PIK3CD: variants seen among roughly 807,000 people sequenced by gnomAD.
PIK3CD encodes the protein phosphatidylinositol-4,5-bisphosphate 3-kinase catalytic subunit delta.
Under a neutral mutation model 122.9 loss-of-function variants are expected in PIK3CD, and 20 were observed. The ratio of observed to expected loss-of-function variants is 0.16; its 90% CI spans 0.11 to 0.24. PIK3CD has a LOEUF of 0.24. Ranked by LOEUF, PIK3CD falls within the 10% of genes least tolerant of loss-of-function variation. The pLI, the probability that PIK3CD is intolerant of heterozygous loss-of-function variation, is 1.00. For missense variants in PIK3CD, 787 were observed against 1,406.3 expected (o/e 0.56, Z 7.04); for synonymous variants, 596 against 593.4 (o/e 1.00, Z -0.06).
Position 9,665,755 on chromosome 1 carries a change from C to CT in PIK3CD, c.-138+13962dup, listed in dbSNP as rs570359430. On this transcript the variant is annotated intron_variant, in intron 1 of 23. Coordinates refer to ENST00000377346, the MANE Select transcript of PIK3CD (RefSeq NM_005026.5). Reference sequence around the variant, plus strand: ...TCGTCATCCTATAAACCCTTTCATTCTTTTTTTTTGTCCCCCAAGACGGAG... The same window carrying CT: ...TCGTCATCCTATAAACCCTTTCATTCTTTTTTTTTTGTCCCCCAAGACGGAG... 1.2e-3 allele frequency among the ~76,000 whole-genome samples: 189 copies of CT among 151,232 alleles called. 1 individual carries two copies. The highest frequency in any genetic ancestry group is 1.9e-3 in the Admixed American group (29 of 15,120).
upstream of PIK3CD, among the ~76,000 whole-genome samples, chr1:9,649,101 C>CAACAAACAAACAAACA (rs57842154): frequency 3.1e-3 from 458 of 149,742 alleles, 7 homozygotes; most frequent in Middle Eastern, 6.8e-3. Flanking sequence ...GACCCTGTCT[C>CAACAAACAAACAAACA]AACAAACAAA....
intron 1 of PIK3CD, among the ~76,000 whole-genome samples, chr1:9,687,134 G>A (rs982467925): frequency 6.6e-6 from 1 of 152,086 alleles, no homozygotes; most frequent in African/African-American, 2.4e-5. Context: ...TTGCTGATGG[G>A]GACCTTGTGT....
At chr1:9,678,656 C>T (rs1000653546) in intron 1 of PIK3CD, among the ~76,000 whole-genome samples, 15 of 152,150 alleles carry the variant, frequency 9.9e-5, no homozygotes, top group African/African-American at 3.1e-4. Context: ...GCTTCTCTGT[C>T]GTATGAGATT....
intron 5 of PIK3CD, 120 bp from the exon 6 acceptor site, chr1:9,716,320 C>T (rs1422869221): frequency 1.0e-6 from 1 of 980,784 alleles, no homozygotes. Flanking sequence ...CAAATATTTC[C>T]CAGTGTCATT....
chr1:9,645,648 C>T, the PIK3CD span, among the ~76,000 whole-genome samples: 1 of 149,820 alleles, frequency 6.7e-6, no homozygotes, highest in African/African-American at 2.5e-5. Flanking sequence ...CTCTTGTTGC[C>T]CAGACTGGAG....
chr1:9,655,467 C>A (rs1644824853), intron 1 of PIK3CD, among the ~76,000 whole-genome samples: 1 of 93,876 alleles, frequency 1.1e-5, no homozygotes, highest in African/African-American at 5.1e-5. Flanking sequence ...TTTTTTATTG[C>A]AGCTAAACAC....
At chr1:9,706,448 G>A (rs141635515) in intron 2 of PIK3CD, among the ~76,000 whole-genome samples, 2,339 of 152,036 alleles carry the variant, frequency 0.015, 66 homozygotes, top group African/African-American at 0.053. Flanking sequence ...AGCTATGATT[G>A]TGCCACTGTA....
chr1:9,705,936 G>A (rs957083067), intron 2 of PIK3CD, among the ~76,000 whole-genome samples: 3 of 152,072 alleles, frequency 2.0e-5, no homozygotes, highest in Admixed American at 6.6e-5. Context: ...TGGTTATACC[G>A]ATCGTAGGTT....
intron 2 of PIK3CD, chr1:9,691,874 G>C: frequency 3.9e-6 from 1 of 258,916 alleles, no homozygotes; most frequent in Middle Eastern, 1.1e-3. Context: ...TTTGGTATTT[G>C]ACTCACACTG....
At chr1:9,673,882 A>G (rs986329009) in intron 1 of PIK3CD, among the ~76,000 whole-genome samples, 19 of 152,216 alleles carry the variant, frequency 1.2e-4, no homozygotes, top group African/African-American at 4.6e-4. Flanking sequence ...GCACCCTCTT[A>G]TGTAATAATT....
chr1:9,711,010 C>T (rs1254050941), intron 3 of PIK3CD, among the ~76,000 whole-genome samples: 1 of 152,142 alleles, frequency 6.6e-6, no homozygotes, highest in Admixed American at 6.5e-5. Context: ...GTCTCAAACT[C>T]CCGACCTCAG....
At chr1:9,716,255 G>C in intron 5 of PIK3CD, 177 bp downstream of exon 5, 1 of 811,532 alleles carries the variant, frequency 1.2e-6, no homozygotes, top group Non-Finnish European at 2.0e-6. Context: ...AGCTCAACGT[G>C]GCAGGATAAC....
At chr1:9,709,080 A>C (rs1646951174) in intron 2 of PIK3CD, among the ~76,000 whole-genome samples, 1 of 151,568 alleles carries the variant, frequency 6.6e-6, no homozygotes, top group African/African-American at 2.4e-5. Context: ...CCCAGGCTGG[A>C]GTGCAGTGGT....
chr1:9,660,346 G>A (rs1437197911), intron 1 of PIK3CD, among the ~76,000 whole-genome samples: 1 of 152,156 alleles, frequency 6.6e-6, no homozygotes, highest in East Asian at 1.9e-4. Context: ...AGTTCTCTCA[G>A]GTATATACCC....
chr1:9,721,623 C>A (rs755855068), intron 15 of PIK3CD, 36 bp downstream of exon 15: 1 of 1,611,702 alleles, frequency 6.2e-7, no homozygotes, highest in East Asian at 2.2e-5. Flanking sequence ...TGTGGGAATC[C>A]CAGCCCCTGA....
intron 1 of PIK3CD, among the ~76,000 whole-genome samples, chr1:9,682,308 C>A (rs187655742): frequency 6.6e-6 from 1 of 152,038 alleles, no homozygotes; most frequent in Non-Finnish European, 1.5e-5. Flanking sequence ...AGTGCAGTGG[C>A]GCCATCTCAG....
intron 23 of PIK3CD, 119 bp from the exon 24 acceptor site, chr1:9,726,790 A>G (rs1649711179): frequency 1.6e-6 from 2 of 1,283,484 alleles, no homozygotes; most frequent in African/African-American, 2.9e-5. Flanking sequence ...TTTTCCTGAG[A>G]TGCTGGGAGC....
At chr1:9,645,212 G>A in the PIK3CD span, among the ~76,000 whole-genome samples, 1 of 151,622 alleles carries the variant, frequency 6.6e-6, no homozygotes, top group African/African-American at 2.4e-5. Flanking sequence ...TAGAGATGAG[G>A]TTTCACCTGT....
intron 2 of PIK3CD, among the ~76,000 whole-genome samples, chr1:9,692,666 G>C (rs1443938268): frequency 6.6e-6 from 1 of 151,768 alleles, no homozygotes; most frequent in Non-Finnish European, 1.5e-5. Context: ...GGAGGCGGAG[G>C]TTGCAGTGAG....
Sources: gnomAD v4.1 joint callset for allele counts (sites outside exome capture counted in the v4.1 genomes callset) on GRCh38, gnomAD v4.1.1 for gene constraint, MANE v1.5 for transcripts, NCBI Gene and HGNC (gene_info 2026-07-23, HGNC 2026-07-21) for gene names.